OR10J1: variants seen among roughly 807,000 people sequenced by gnomAD.
OR10J1 encodes the protein olfactory receptor 10J1.
For synonymous variants in OR10J1, 202 were observed against 143.8 expected, an observed-to-expected ratio of 1.40 and a Z score of -2.89; for missense variants, 474 against 376.6, an observed-to-expected ratio of 1.26 and a Z score of -2.14.
At chr1:159,403,169 A>G in the OR10J1 span, among the ~76,000 whole-genome samples, 1 of 152,102 alleles carries the variant, frequency 6.6e-6, no homozygotes, top group African/African-American at 2.4e-5. Context: ...ACAAGAAAAC[A>G]TTGGGGAAAA....
upstream of OR10J1, among the ~76,000 whole-genome samples, chr1:159,436,761 G>A (rs759352301): frequency 2.6e-5 from 4 of 151,876 alleles, no homozygotes; most frequent in Non-Finnish European, 4.4e-5. Context: ...AATCACTTGA[G>A]AGGCTCTTAA....
the OR10J1 span, among the ~76,000 whole-genome samples, chr1:159,409,226 G>A: frequency 9.2e-5 from 14 of 151,934 alleles, no homozygotes; most frequent in Non-Finnish European, 2.1e-4. Flanking sequence ...GGGCATTTCC[G>A]CAGCTATTCT....
At chr1:159,405,666 C>T in the OR10J1 span, 1 of 507,738 alleles carries the variant, frequency 2.0e-6, no homozygotes, top group Non-Finnish European at 3.8e-6. Flanking sequence ...TGGCACAGGC[C>T]TTCTTCCTAC....
At chr1:159,410,660 C>A in the OR10J1 span, among the ~76,000 whole-genome samples, 1 of 151,174 alleles carries the variant, frequency 6.6e-6, no homozygotes, top group Non-Finnish European at 1.5e-5. Context: ...CTCCTGGATT[C>A]ATTAATTTTT....
the OR10J1 span, among the ~76,000 whole-genome samples, chr1:159,423,196 T>C: frequency 6.6e-6 from 1 of 152,210 alleles, no homozygotes; most frequent in Non-Finnish European, 1.5e-5. Flanking sequence ...GCTGCTTTTC[T>C]CCTACAGGTG....
chr1:159,434,451 G>T (rs74122859), upstream of OR10J1, among the ~76,000 whole-genome samples: 2 of 152,048 alleles, frequency 1.3e-5, no homozygotes, highest in Admixed American at 6.6e-5. Flanking sequence ...AAATACTTTG[G>T]TGCATCCCTT....
the OR10J1 span, among the ~76,000 whole-genome samples, chr1:159,413,879 A>T: frequency 2.5e-5 from 3 of 121,156 alleles, no homozygotes; most frequent in South Asian, 8.2e-4. Context: ...AATAAAAATA[A>T]AAAAATATAT....
the OR10J1 span, among the ~76,000 whole-genome samples, chr1:159,400,991 A>G: frequency 6.6e-6 from 1 of 152,182 alleles, no homozygotes; most frequent in African/African-American, 2.4e-5. Flanking sequence ...AATACATAAA[A>G]GTTAAACAAT....
the OR10J1 span, among the ~76,000 whole-genome samples, chr1:159,429,094 A>T: frequency 2.6e-5 from 4 of 152,186 alleles, no homozygotes; most frequent in Non-Finnish European, 5.9e-5. Flanking sequence ...TGGAGAGAGA[A>T]AGAGGGGGCT....
chr1:159,430,665 G>GTGTGTGTGTGTGTGTGTGTA, the OR10J1 span, among the ~76,000 whole-genome samples: 2 of 83,458 alleles, frequency 2.4e-5, no homozygotes, highest in Non-Finnish European at 3.4e-5. Flanking sequence ...GTGTGTGTGT[G>GTGTGTGTGTGTGTGTGTGTA]TGTGCGCGCG....
chr1:159,429,605 G>A, the OR10J1 span, among the ~76,000 whole-genome samples: 4 of 152,178 alleles, frequency 2.6e-5, no homozygotes, highest in African/African-American at 9.7e-5. Context: ...CTTTTATAAT[G>A]AGTTCCCCAG....
Position 159,439,889 on chromosome 1 carries a change from C to T in OR10J1, c.98C>T (p.Ala33Val), listed in dbSNP as rs1222526586. 2 of 1,614,156 alleles carry T rather than the reference C, an allele frequency of 1.2e-6. No individual in the cohort carries two copies. The highest frequency in any genetic ancestry group is 1.7e-6 in the Non-Finnish European group (2 of 1,180,036). The change falls in exon 1 of 1, where the codon GCA becomes GTA. Residue 33 changes from alanine to valine, a missense_variant. By Grantham distance (64) the Ala-to-Val change is moderately conservative (BLOSUM62 0). Coordinates refer to ENST00000423932, the MANE Select transcript of OR10J1 (RefSeq NM_012351.3). The part of the protein sequence containing the change: ...QQITLFGVFL[A>V]LYILTLAGNI... Reference sequence around the variant, plus strand: ...ATCACCCTTTTTGGCGTGTTCCTTGCACTATACATCTTAACCTTAGCAGGC... The same window carrying T: ...ATCACCCTTTTTGGCGTGTTCCTTGTACTATACATCTTAACCTTAGCAGGC...
chr1:159,417,969 T>C, the OR10J1 span, among the ~76,000 whole-genome samples: 1 of 152,328 alleles, frequency 6.6e-6, no homozygotes, highest in East Asian at 1.9e-4. Flanking sequence ...CTTGCATCAT[T>C]ATGCCCCTGC....
chr1:159,405,466 C>T, the OR10J1 span: 4 of 225,134 alleles, frequency 1.8e-5, no homozygotes, highest in East Asian at 1.0e-4. Context: ...CTTCATGGCT[C>T]TGCACAGAGC....
chr1:159,430,683 G>A, the OR10J1 span, among the ~76,000 whole-genome samples: 5 of 135,916 alleles, frequency 3.7e-5, no homozygotes, highest in Non-Finnish European at 8.6e-5. Context: ...GCGCGCACAT[G>A]TTTGGGTGGC....
At chr1:159,435,806 G>A (rs541959509), upstream of OR10J1, among the ~76,000 whole-genome samples, 3 of 152,148 alleles carry the variant, frequency 2.0e-5, no homozygotes, top group Admixed American at 6.5e-5. Flanking sequence ...AAATAAAGCA[G>A]TCTGCAGAAC....
the OR10J1 span, among the ~76,000 whole-genome samples, chr1:159,428,413 A>G: frequency 6.6e-6 from 1 of 152,166 alleles, no homozygotes; most frequent in East Asian, 1.9e-4. Flanking sequence ...CAATTTCAGT[A>G]TCGGGTTTCC....
chr1:159,440,945 C>T lies in OR10J1; in HGVS notation c.*224C>T, dbSNP rs888184409. Reference sequence around the variant, plus strand: ...AATAGACAAACAAGGATAAGATATGCCTAAATAAAAGGCCAGAAAGTAGTA... The same window carrying T: ...AATAGACAAACAAGGATAAGATATGTCTAAATAAAAGGCCAGAAAGTAGTA... On this transcript the variant is annotated 3_prime_UTR_variant, in exon 1 of 1. Transcript: ENST00000423932. 3 of 461,162 alleles carry T rather than the reference C, an allele frequency of 6.5e-6. No individual in the cohort carries two copies. Among genetic ancestry groups the T allele is most frequent in the Non-Finnish European group, 1.1e-5 (3 of 266,754 alleles). 28.6% of individuals were successfully genotyped at this position (461,162 alleles called of 1,614,324 possible).
chr1:159,435,897 TA>T (rs1163634281), upstream of OR10J1, among the ~76,000 whole-genome samples: 1 of 152,202 alleles, frequency 6.6e-6, no homozygotes, highest in Non-Finnish European at 1.5e-5. Flanking sequence ...CATTTTCTTC[TA>T]GCATAAAATC....
Sources: gnomAD v4.1 joint callset for allele counts (sites outside exome capture counted in the v4.1 genomes callset) on GRCh38, gnomAD v4.1.1 for gene constraint, MANE v1.5 for transcripts, NCBI Gene and HGNC (gene_info 2026-07-23, HGNC 2026-07-21) for gene names.